Variants in ZBED6 observed in about 807,000 individuals in gnomAD.
ZBED6 encodes the protein zinc finger BED-type containing 6, also known as zinc finger BED domain-containing protein 6.
A neutral mutation model predicts 58.4 loss-of-function variants in ZBED6; 40 were observed. The observed-to-expected ratio is 0.68, with a 90% CI of 0.53 to 0.89. The LOEUF (loss-of-function observed/expected upper bound fraction) is 0.89, where lower values mean the gene tolerates loss of function less well. Ranked by LOEUF, ZBED6 falls within the 40% of genes least tolerant of loss-of-function variation. The pLI is 0.00. For synonymous variants in ZBED6, 439 were observed against 350.6 expected (o/e 1.25, Z -2.82); for missense variants, 1,057 against 1,003.9 (o/e 1.05, Z -0.71).
At chr1:203,807,716 G>C (rs1253246594) in intron 1 of ZBED6, among the ~76,000 whole-genome samples, 1 of 151,918 alleles carries the variant, frequency 6.6e-6, no homozygotes, top group Non-Finnish European at 1.5e-5. Flanking sequence ...TTGGGAGAGA[G>C]ACATGGTCTC....
In ZBED6 at chr1:203,817,172, A is replaced by G. The variant is rs777399171; in HGVS notation, c.*2753+48A>G. The G allele has an allele frequency of 1.7e-5, 25 of 1,481,082 alleles. No homozygotes were observed. In the South Asian group the frequency reaches 3.0e-4, roughly 18 times the overall value. The allele number at this position is 1,481,082 out of a possible 1,614,324, so 91.7% of individuals were successfully genotyped here. ...CAGTTCTTTCTACAATTTGCTTAAT[A>G]GAATTGGATAAGATTTTCCCAACAT... On this transcript the variant is annotated intron_variant, in intron 2 of 16. Coordinates refer to ENST00000550078, the Ensembl canonical transcript of ZBED6.
chr1:203,848,609 C>T (rs1010190976), intron 13 of ZBED6, among the ~76,000 whole-genome samples: 3 of 152,050 alleles, frequency 2.0e-5, no homozygotes, highest in Non-Finnish European at 4.4e-5. Flanking sequence ...TTTTGTTTGC[C>T]GGGCGCGGTG....
At chr1:203,796,960 T>C (rs952122988) in exon 1 of ZBED6, 4 of 153,330 alleles carry the variant, frequency 2.6e-5, no homozygotes, top group African/African-American at 9.6e-5. Context: ...AGAATTGACT[T>C]TTTGGGTTGT....
At chr1:203,821,053 C>G (rs757198170) in intron 3 of ZBED6, among the ~76,000 whole-genome samples, 2 of 152,182 alleles carry the variant, frequency 1.3e-5, no homozygotes, top group African/African-American at 2.4e-5. Flanking sequence ...AATCTCACCT[C>G]TATCGTAATC....
At chr1:203,800,506 C>T in exon 1 of ZBED6, 1 of 1,443,086 alleles carries the variant, frequency 6.9e-7, no homozygotes, top group African/African-American at 1.4e-5. Context: ...TGCTGTGTTA[C>T]TGTATCTTAA....
At chr1:203,796,026 C>A in exon 1 of ZBED6, 1 of 145,766 alleles carries the variant, frequency 6.9e-6, no homozygotes, top group Non-Finnish European at 1.5e-5. Context: ...CCCATCCTCC[C>A]CACCCCCACC....
chr1:203,838,642 T>C (rs1222878542), intron 10 of ZBED6, among the ~76,000 whole-genome samples: 5 of 152,118 alleles, frequency 3.3e-5, no homozygotes, highest in African/African-American at 1.2e-4. Flanking sequence ...TCTAAGATAG[T>C]AACAACCCAT....
intron 10 of ZBED6, among the ~76,000 whole-genome samples, chr1:203,838,954 C>CAAAAA (rs59033094): frequency 8.2e-5 from 8 of 97,918 alleles, no homozygotes; most frequent in African/African-American, 3.4e-4. Context: ...GACTTCATCT[C>CAAAAA]AAAAAAAAAA....
rs12071237 is a variant in ZBED6 at position 203,827,365 on chromosome 1, T to C, written c.*2874-934T>C. On this transcript the variant is annotated intron_variant, in intron 3 of 16. Transcript: ENST00000550078. ...CACAGGTATTCTTTTTTTTTTTTTT[T>C]CTCCCAATTTTCCTTTATAAAAGTA... Among the ~76,000 whole-genome samples, 935 of 150,520 alleles carry C rather than the reference T, an allele frequency of 6.2e-3. 13 individuals are homozygous for C. The highest frequency in any genetic ancestry group is 0.045 in the East Asian group (222 of 4,962).
At chr1:203,844,165 T>C (rs1353657183) in intron 11 of ZBED6, among the ~76,000 whole-genome samples, 2 of 149,674 alleles carry the variant, frequency 1.3e-5, no homozygotes, top group Non-Finnish European at 3.0e-5. Context: ...CTTTATTTTT[T>C]ATTTTTATTT....
intron 1 of ZBED6, chr1:203,805,718 C>T (rs1672090281): frequency 1.5e-6 from 1 of 661,454 alleles, no homozygotes; most frequent in Non-Finnish European, 2.9e-6. Context: ...GGTGCAGATG[C>T]TGGCTCATCT....
chr1:203,821,584 T>C (rs916903079), intron 3 of ZBED6, among the ~76,000 whole-genome samples: 1 of 152,202 alleles, frequency 6.6e-6, no homozygotes, highest in South Asian at 2.1e-4. Flanking sequence ...TTCAGCCCTG[T>C]ATTCGGCCAT....
intron 7 of ZBED6, among the ~76,000 whole-genome samples, chr1:203,831,289 C>A (rs935768901): frequency 6.6e-6 from 1 of 151,924 alleles, no homozygotes; most frequent in African/African-American, 2.4e-5. Flanking sequence ...TTATAGCAAC[C>A]TTGGAGTTGT....
intron 7 of ZBED6, 133 bp downstream of exon 7, chr1:203,830,336 T>G: frequency 1.4e-6 from 1 of 717,160 alleles, no homozygotes; most frequent in Non-Finnish European, 2.3e-6. Flanking sequence ...AAACACAGAC[T>G]TATTTAAATT....
intron 1 of ZBED6, among the ~76,000 whole-genome samples, chr1:203,807,994 G>A (rs201157653): frequency 3.3e-5 from 5 of 152,084 alleles, no homozygotes; most frequent in East Asian, 3.9e-4. Flanking sequence ...CTCCTGTCTC[G>A]GCCTCTCAAA....
intron 11 of ZBED6, among the ~76,000 whole-genome samples, chr1:203,846,115 CAAAAAAAAAAAA>C (rs34793133): frequency 1.9e-5 from 1 of 53,182 alleles, no homozygotes. Flanking sequence ...TCGTCTTTAC[CAAAAAAAAAAAA>C]AAAAAAAAGA....
At chr1:203,837,738 A>C (rs1292222034) in intron 9 of ZBED6, among the ~76,000 whole-genome samples, 2 of 152,080 alleles carry the variant, frequency 1.3e-5, no homozygotes, top group Admixed American at 1.3e-4. Flanking sequence ...TTGACCTCCC[A>C]AAGTGCTGAG....
intron 3 of ZBED6, among the ~76,000 whole-genome samples, chr1:203,820,341 T>C (rs1435264317): frequency 6.6e-6 from 1 of 152,186 alleles, no homozygotes; most frequent in Admixed American, 6.5e-5. Context: ...TTGCGTTTCA[T>C]TGCCCTTAAC....
At chr1:203,826,372 TTAA>T (rs547208812) in intron 3 of ZBED6, among the ~76,000 whole-genome samples, 72 of 148,624 alleles carry the variant, frequency 4.8e-4, no homozygotes, top group South Asian at 3.8e-3. Flanking sequence ...TAAATATTGA[TTAA>T]TAATAATTAA....
Sources: allele counts gnomAD v4.1 joint callset (sites outside exome capture counted in the v4.1 genomes callset), GRCh38; gene constraint gnomAD v4.1.1; transcripts MANE v1.5; gene names NCBI Gene and HGNC (gene_info 2026-07-23, HGNC 2026-07-21).